The following ASRGL1 variants were observed in gnomAD, a reference collection of about 807,000 sequenced individuals.
The protein encoded by ASRGL1 is asparaginase and isoaspartyl peptidase 1.
Under a neutral mutation model 22.4 loss-of-function variants are expected in ASRGL1, and 16 were observed. That is an observed-to-expected ratio of 0.71 (90% CI 0.48 to 1.08). The LOEUF (loss-of-function observed/expected upper bound fraction) is 1.08, where lower values mean the gene tolerates loss of function less well. ASRGL1 is among the 50% of genes least tolerant of loss of function. The probability of loss-of-function intolerance (pLI) is 0.00; values close to 1 mark genes in which losing one functional copy is unlikely to be tolerated. For synonymous variants in ASRGL1, 165 were observed against 159.3 expected (o/e 1.04, Z -0.27); for missense variants, 412 against 410.1 (o/e 1.00, Z -0.04).
intron 6 of ASRGL1, 105 bp downstream of exon 6, chr11:62,391,737 C>T (rs976834675): frequency 7.2e-7 from 1 of 1,397,750 alleles, no homozygotes; most frequent in Non-Finnish European, 9.6e-7. Context: ...TTCCTGTTGG[C>T]TACAGATGTT....
intron 2 of ASRGL1, among the ~76,000 whole-genome samples, chr11:62,338,846 G>A (rs7119235): frequency 0.22 from 33,171 of 149,100 alleles, 3,889 homozygotes; most frequent in East Asian, 0.34. Flanking sequence ...TCGGGAGGCC[G>A]AGGCAGGAGA....
At chr11:62,389,658 G>A in intron 5 of ASRGL1, 1 of 340,778 alleles carries the variant, frequency 2.9e-6, no homozygotes, top group Non-Finnish European at 5.8e-6. Flanking sequence ...GACTGCAGTT[G>A]TTAGATCTGA....
chr11:62,363,566 T>C (rs1414394930), intron 4 of ASRGL1, among the ~76,000 whole-genome samples: 1 of 152,188 alleles, frequency 6.6e-6, no homozygotes, highest in Non-Finnish European at 1.5e-5. Flanking sequence ...TAAAAGATTA[T>C]AAAAAGACTA....
At chr11:62,359,553 T>G (rs1449946731) in intron 4 of ASRGL1, among the ~76,000 whole-genome samples, 1 of 152,234 alleles carries the variant, frequency 6.6e-6, no homozygotes, top group Non-Finnish European at 1.5e-5. Context: ...GCTCTTTTTT[T>G]GTACTAAATC....
rs1002939953 is a variant in ASRGL1, at chr11:62,393,252, G to T, written c.*968G>T. 1 of 152,136 alleles carries T rather than the reference G, an allele frequency of 6.6e-6. No homozygotes were observed. The highest frequency in any genetic ancestry group is 2.4e-5 in the African/African-American group (1 of 41,394). 9.4% of individuals were successfully genotyped at this position (152,136 alleles called of 1,614,324 possible). On this transcript the variant is annotated 3_prime_UTR_variant, in exon 7 of 7. Transcript: ENST00000415229. Reference sequence around the variant, plus strand: ...GCATGGTGAAGAAAGTCATTTCCTCGGTGGGCAGTATTCCTCTTTATCTCT... The same window carrying T: ...GCATGGTGAAGAAAGTCATTTCCTCTGTGGGCAGTATTCCTCTTTATCTCT...
intron 4 of ASRGL1, among the ~76,000 whole-genome samples, chr11:62,385,700 A>C (rs1378177976): frequency 7.2e-6 from 1 of 138,464 alleles, no homozygotes; most frequent in Non-Finnish European, 1.6e-5. Flanking sequence ...CCCCGTCTCT[A>C]CTAAAAATAC....
At chr11:62,401,206 G>A in the ASRGL1 span, among the ~76,000 whole-genome samples, 4 of 152,184 alleles carry the variant, frequency 2.6e-5, no homozygotes, top group African/African-American at 9.7e-5. Context: ...TGAGAAAACC[G>A]AGGTTTGGAG....
chr11:62,397,869 G>A (rs775398692), downstream of ASRGL1, among the ~76,000 whole-genome samples: 1 of 152,026 alleles, frequency 6.6e-6, no homozygotes. Flanking sequence ...CCTAATATTT[G>A]GTCAATATTC....
chr11:62,365,772 C>G (rs72923223), intron 4 of ASRGL1, among the ~76,000 whole-genome samples: 1 of 152,156 alleles, frequency 6.6e-6, no homozygotes, highest in South Asian at 2.1e-4. Flanking sequence ...TTCCTTAAAC[C>G]CAGGAGGCAG....
chr11:62,395,302 G>A (rs142994942), downstream of ASRGL1, among the ~76,000 whole-genome samples: 1 of 152,144 alleles, frequency 6.6e-6, no homozygotes, highest in Non-Finnish European at 1.5e-5. Flanking sequence ...GCCCCCACTT[G>A]CTCCTTCCAG....
chr11:62,392,581 A>AG lies in ASRGL1; in HGVS notation c.*297_*298insG. On this transcript the variant is annotated 3_prime_UTR_variant, in exon 7 of 7. Coordinates refer to ENST00000415229, the MANE Select transcript of ASRGL1 (RefSeq NM_001083926.2). ...CAGGCCCTGTATCAAAAAAAAAAAA[A>AG]AAAAGAAAAGGGAAAAAAGAAAGAA... 1 of 413,568 alleles carries AG rather than the reference A, an allele frequency of 2.4e-6. No individual in the cohort carries two copies. Among genetic ancestry groups the AG allele is most frequent in the Non-Finnish European group, 4.4e-6 (1 of 227,584 alleles). 25.6% of individuals were successfully genotyped at this position (413,568 alleles called of 1,614,324 possible).
chr11:62,366,808 G>T (rs1210588261), intron 4 of ASRGL1, among the ~76,000 whole-genome samples: 7 of 152,088 alleles, frequency 4.6e-5, no homozygotes, highest in Non-Finnish European at 1.0e-4. Flanking sequence ...ACTGTACCTG[G>T]CTCTTTCTTA....
chr11:62,373,271 A>C (rs1247774987), intron 4 of ASRGL1: 1 of 708,998 alleles, frequency 1.4e-6, no homozygotes, highest in African/African-American at 1.8e-5. Flanking sequence ...TTAAAAAAGC[A>C]AAAGTGGACC....
chr11:62,343,127 C>G (rs1366046999), intron 2 of ASRGL1, among the ~76,000 whole-genome samples: 1 of 152,118 alleles, frequency 6.6e-6, no homozygotes, highest in African/African-American at 2.4e-5. Context: ...CCTATAATCC[C>G]AGCACTTTGG....
At chr11:62,352,195 A>C (rs1946182639) in intron 2 of ASRGL1, among the ~76,000 whole-genome samples, 1 of 152,218 alleles carries the variant, frequency 6.6e-6, no homozygotes, top group Non-Finnish European at 1.5e-5. Flanking sequence ...GTGTCCTTAT[A>C]GGAGACACCA....
intron 4 of ASRGL1, among the ~76,000 whole-genome samples, chr11:62,370,226 G>T (rs1200458377): frequency 6.6e-6 from 1 of 152,152 alleles, no homozygotes; most frequent in Non-Finnish European, 1.5e-5. Context: ...GCTCTCACTA[G>T]CAGAATATGG....
chr11:62,338,921 C>G (rs1234869162), intron 2 of ASRGL1, among the ~76,000 whole-genome samples: 1 of 87,490 alleles, frequency 1.1e-5, no homozygotes, highest in African/African-American at 4.6e-5. Flanking sequence ...GGCGACAGAG[C>G]GAGACTATCT....
At chr11:62,391,838 CAGG>C (rs990964673) in intron 6 of ASRGL1, 1 of 746,556 alleles carries the variant, frequency 1.3e-6, no homozygotes, top group Admixed American at 2.9e-5. Flanking sequence ...TTCCACATCT[CAGG>C]AGAAGGGGGC....
chr11:62,368,921 TTA>T (rs1446693427), intron 4 of ASRGL1, among the ~76,000 whole-genome samples: 1 of 152,120 alleles, frequency 6.6e-6, no homozygotes, highest in Non-Finnish European at 1.5e-5. Context: ...CAATCGGGTT[TTA>T]CACCCGAGAC....
Sources: gnomAD v4.1 joint callset for allele counts (sites outside exome capture counted in the v4.1 genomes callset) on GRCh38, gnomAD v4.1.1 for gene constraint, MANE v1.5 for transcripts, NCBI Gene and HGNC (gene_info 2026-07-23, HGNC 2026-07-21) for gene names.